SYN2: variants seen among roughly 807,000 people sequenced by gnomAD.
The protein encoded by SYN2 is synapsin II, also known as synapsin-2.
Under a neutral mutation model 50.9 loss-of-function variants are expected in SYN2, and 19 were observed. The ratio of observed to expected loss-of-function variants is 0.37; its 90% CI spans 0.26 to 0.55. SYN2 has a LOEUF of 0.55. Among genes scored for constraint, SYN2 ranks in the 20% least tolerant of loss-of-function variants. The pLI, the probability that SYN2 is intolerant of heterozygous loss-of-function variation, is 0.81. For missense variants in SYN2, 587 were observed against 576.4 expected, an observed-to-expected ratio of 1.02 and a Z score of -0.19; for synonymous variants, 255 against 224.9, an observed-to-expected ratio of 1.13 and a Z score of -1.20.
intron 5 of SYN2, chr3:12,159,097 C>T (rs1574870911): frequency 2.1e-6 from 1 of 484,564 alleles, no homozygotes; most frequent in Non-Finnish European, 3.6e-6. Flanking sequence ...GTTTCCCTGC[C>T]TAAGTCATGA....
rs183502144 is a variant in SYN2 at position 12,182,751 on chromosome 3, G to A, written c.1309-561G>A. Among the ~76,000 whole-genome samples, 12 of 152,340 alleles carry A rather than the reference G, an allele frequency of 7.9e-5. No homozygotes were observed. The East Asian group carries it at 1.5e-3, about 20-fold the overall frequency. ...TCAGGCCTAGAACTGATCCCACTCCGGAGTTAACTCCAGATGAGAAGTGAG... is the reference window on the plus strand; with the variant it reads ...TCAGGCCTAGAACTGATCCCACTCCAGAGTTAACTCCAGATGAGAAGTGAG... On this transcript the variant is annotated intron_variant, in intron 10 of 12. Transcript: ENST00000621198.
chr3:12,179,581 A>G (rs867563586), intron 10 of SYN2, among the ~76,000 whole-genome samples: 13 of 152,180 alleles, frequency 8.5e-5, no homozygotes, highest in Admixed American at 2.0e-4. Context: ...ACTAATTTCA[A>G]TCTTCTACTA....
chr3:12,171,087 C>T (rs1189500524), intron 10 of SYN2, among the ~76,000 whole-genome samples: 1 of 152,172 alleles, frequency 6.6e-6, no homozygotes, highest in Admixed American at 6.5e-5. Context: ...CTGACTCTTT[C>T]TGGGTATCTG....
chr3:12,178,533 C>T (rs1213865696), intron 10 of SYN2, among the ~76,000 whole-genome samples: 2 of 152,146 alleles, frequency 1.3e-5, no homozygotes, highest in Admixed American at 6.5e-5. Flanking sequence ...TAATATTTAC[C>T]ATTTCTGCAA....
At chr3:12,039,091 T>C (rs1694558982) in intron 1 of SYN2, among the ~76,000 whole-genome samples, 1 of 152,170 alleles carries the variant, frequency 6.6e-6, no homozygotes, top group South Asian at 2.1e-4. Context: ...GATTTCTAGG[T>C]TGTTGAGTGT....
In SYN2 at chr3:12,099,882, G is replaced by A. The variant is rs561573570; in HGVS notation, c.378-40769G>A. Among the ~76,000 whole-genome samples the A allele has an allele frequency of 7.4e-5, 11 of 149,646 alleles. No homozygotes were observed. In the East Asian group the frequency reaches 1.0e-3, roughly 14 times the overall value. ...TGGGAGGCTGAGGCAGGAGAATGGCGTGAACCCGGGAGGCGGAGCTTGCAG... is the reference window on the plus strand; with the variant it reads ...TGGGAGGCTGAGGCAGGAGAATGGCATGAACCCGGGAGGCGGAGCTTGCAG... On this transcript the variant is annotated intron_variant, in intron 1 of 12. Coordinates refer to ENST00000621198, the MANE Select transcript of SYN2 (RefSeq NM_133625.6).
At chr3:12,170,310 C>G (rs1032772206) in intron 10 of SYN2, among the ~76,000 whole-genome samples, 1 of 152,142 alleles carries the variant, frequency 6.6e-6, no homozygotes, top group Non-Finnish European at 1.5e-5. Flanking sequence ...CTGCTATCTT[C>G]GTAAATAAGG....
At chr3:12,145,340 A>C (rs1055877196) in intron 3 of SYN2, among the ~76,000 whole-genome samples, 7 of 152,072 alleles carry the variant, frequency 4.6e-5, no homozygotes, top group Non-Finnish European at 1.0e-4. Context: ...AGTTCAAGAA[A>C]AGCCTGGGCA....
intron 1 of SYN2, among the ~76,000 whole-genome samples, chr3:12,132,251 G>C (rs1419519133): frequency 6.6e-6 from 1 of 151,986 alleles, no homozygotes; most frequent in Non-Finnish European, 1.5e-5. Flanking sequence ...AGTAGGACAG[G>C]CTTTGGTAAC....
At position 12,078,890 on chromosome 3, in the gene SYN2, T is replaced by C. The variant is rs146431430; in HGVS notation, c.378-61761T>C. ...ATAGCATTGAATCTATAAATTACTT[T>C]GGGGAGTATGGCTATTTTCACCATA... On this transcript the variant is annotated intron_variant, in intron 1 of 12. Transcript: ENST00000621198. 4.6e-3 allele frequency among the ~76,000 whole-genome samples: 704 copies of C among 152,340 alleles called. 5 individuals carry two copies. The highest frequency in any genetic ancestry group is 0.015 in the African/African-American group (643 of 41,572).
intron 1 of SYN2, among the ~76,000 whole-genome samples, chr3:12,085,386 C>G (rs1695680195): frequency 7.2e-6 from 1 of 138,718 alleles, no homozygotes; most frequent in Non-Finnish European, 1.7e-5. Context: ...CACACGCACG[C>G]ACGCACGCAC....
intron 1 of SYN2, among the ~76,000 whole-genome samples, chr3:12,125,442 C>T (rs1696649601): frequency 6.6e-6 from 1 of 152,172 alleles, no homozygotes; most frequent in African/African-American, 2.4e-5. Flanking sequence ...ATTATGTTTT[C>T]CCTAAGTGGT....
intron 2 of SYN2, 62 bp from the exon 3 acceptor site, chr3:12,141,843 G>A (rs1164985925): frequency 3.9e-6 from 3 of 774,770 alleles, no homozygotes; most frequent in Admixed American, 3.4e-5. Context: ...TGTTGCTGCT[G>A]CTATGTAGAG....
At chr3:12,006,519 A>G (rs981363102) in intron 1 of SYN2, among the ~76,000 whole-genome samples, 1 of 152,176 alleles carries the variant, frequency 6.6e-6, no homozygotes, top group Non-Finnish European at 1.5e-5. Flanking sequence ...TCTCAGCATG[A>G]TATCTCATTG....
At chr3:12,167,442 G>T in intron 8 of SYN2, 134 bp downstream of exon 8, 1 of 833,872 alleles carries the variant, frequency 1.2e-6, no homozygotes, top group South Asian at 1.6e-5. Flanking sequence ...AAAGGCCCAA[G>T]TAGCCCATTT....
chr3:12,030,765 CTCTT>C (rs1436163801), intron 1 of SYN2, among the ~76,000 whole-genome samples: 2 of 74,854 alleles, frequency 2.7e-5, no homozygotes, highest in South Asian at 1.4e-3. Flanking sequence ...TGATTCTTCT[CTCTT>C]TTTTTCTTTA....
intron 1 of SYN2, among the ~76,000 whole-genome samples, chr3:12,053,454 A>C (rs144216225): frequency 1.3e-5 from 2 of 151,946 alleles, no homozygotes; most frequent in African/African-American, 4.8e-5. Context: ...CAAAACAAAA[A>C]AATATATATA....
intron 1 of SYN2, among the ~76,000 whole-genome samples, chr3:12,127,953 A>AT (rs35724854): frequency 0.046 from 6,825 of 149,684 alleles, 200 homozygotes; most frequent in Non-Finnish European, 0.067. Context: ...AGCTGTTTAC[A>AT]TTTTTTTTTT....
chr3:12,047,192 A>C (rs1225557389), intron 1 of SYN2, among the ~76,000 whole-genome samples: 3 of 152,190 alleles, frequency 2.0e-5, no homozygotes, highest in African/African-American at 7.2e-5. Flanking sequence ...GAGGAGGAGG[A>C]AATGAGATCT....
Sources: gnomAD v4.1 joint callset for allele counts (sites outside exome capture counted in the v4.1 genomes callset) on GRCh38, gnomAD v4.1.1 for gene constraint, MANE v1.5 for transcripts, NCBI Gene and HGNC (gene_info 2026-07-23, HGNC 2026-07-21) for gene names.